GATB: variants seen among roughly 807,000 people sequenced by gnomAD.
GATB encodes the protein glutamyl-tRNA(Gln) amidotransferase subunit B, mitochondrial.
GATB carries 39 observed loss-of-function variants against 62.3 expected under a neutral mutation model. The observed-to-expected ratio is 0.63, with a 90% CI of 0.48 to 0.82. The LOEUF (loss-of-function observed/expected upper bound fraction) is 0.82, where lower values mean the gene tolerates loss of function less well. GATB is among the 40% of genes least tolerant of loss of function. The probability of loss-of-function intolerance (pLI) is 0.00; values close to 1 mark genes in which losing one functional copy is unlikely to be tolerated. For synonymous variants in GATB, 276 were observed against 258.9 expected, an observed-to-expected ratio of 1.07 and a Z score of -0.63; for missense variants, 670 against 684.0, an observed-to-expected ratio of 0.98 and a Z score of 0.23.
Position 151,719,356 on chromosome 4 carries a change from C to T in GATB, c.441+69G>A, listed in dbSNP as rs1197324892. The T allele has an allele frequency of 2.3e-5, 26 of 1,120,252 alleles. No homozygotes were observed. Among genetic ancestry groups the T allele is most frequent in the Middle Eastern group, 2.3e-4 (1 of 4,442 alleles). The allele number at this position is 1,120,252 out of a possible 1,614,324, so 69.4% of individuals were successfully genotyped here. The stretch of plus-strand genomic sequence containing the variant: ...GAGGCACAGCCCCTTTCCCTTGCTC[C>T]GACCCCCCACAGCAGGGCTGGCCCA... On this transcript the variant is annotated intron_variant, in intron 3 of 12. Transcript: ENST00000263985.
At chr4:151,700,372 G>A (rs1289977879) in intron 9 of GATB, among the ~76,000 whole-genome samples, 1 of 152,202 alleles carries the variant, frequency 6.6e-6, no homozygotes, top group African/African-American at 2.4e-5. Context: ...GACCAACTCT[G>A]CTTCTCCAAG....
chr4:151,750,129 C>A (rs1739688685), intron 2 of GATB, among the ~76,000 whole-genome samples: 1 of 152,216 alleles, frequency 6.6e-6, no homozygotes, highest in Non-Finnish European at 1.5e-5. Flanking sequence ...GATCCGCCCA[C>A]CTCGGTCTCC....
At position 151,687,331 on chromosome 4, in the gene GATB, A is replaced by AC. The variant is rs559293581; in HGVS notation, c.1331+1298dup. Among the ~76,000 whole-genome samples, 1,132 of 151,878 alleles carry AC rather than the reference A, an allele frequency of 7.5e-3. 7 individuals carry two copies. Among genetic ancestry groups the AC allele is most frequent in the South Asian group, 0.03 (142 of 4,782 alleles). ...GAAATGGAATACGGCATCTTCCCTC[A>AC]CCCCCGGCCTATAAAGTTTATTCCT... is the stretch of plus-strand genomic sequence containing the variant. On this transcript the variant is annotated intron_variant, in intron 10 of 12. Transcript: ENST00000263985.
intron 5 of GATB, among the ~76,000 whole-genome samples, chr4:151,715,048 C>G (rs1738887759): frequency 1.3e-5 from 2 of 152,214 alleles, no homozygotes; most frequent in Non-Finnish European, 2.9e-5. Flanking sequence ...TGTGGCATTA[C>G]AAATCCAGAA....
chr4:151,705,039 G>C, intron 7 of GATB, 146 bp downstream of exon 7: 1 of 601,362 alleles, frequency 1.7e-6, no homozygotes, highest in Non-Finnish European at 3.0e-6. Flanking sequence ...GAAGGGTACA[G>C]TACTTTTCTA....
At position 151,760,972 on chromosome 4, in the gene GATB, G is replaced by A; in HGVS notation, c.11C>T (p.Pro4Leu). 1.9e-6 allele frequency: 3 copies of A among 1,610,730 alleles called. No individual in the cohort carries two copies. The highest frequency in any genetic ancestry group is 2.5e-6 in the Non-Finnish European group (3 of 1,178,890). Residue 4 changes from proline (P) to leucine (L), a missense_variant, in exon 1 of 13, where the codon CCC (proline) becomes CTC (leucine). By Grantham distance (98) the Pro-to-Leu change is moderately conservative. Transcript: ENST00000263985. Reference protein sequence around the residue: MAAPMLRWGCRGRR... With the variant: MAALMLRWGCRGRR... Reference sequence around the variant, plus strand: ...TCCACGGCAGCCCCAGCGCAGCATGGGCGCCGCCATTGTAACTCCAGGGTC... The same window carrying A: ...TCCACGGCAGCCCCAGCGCAGCATGAGCGCCGCCATTGTAACTCCAGGGTC...
intron 6 of GATB, among the ~76,000 whole-genome samples, chr4:151,706,379 T>C (rs1738715704): frequency 6.6e-6 from 1 of 152,138 alleles, no homozygotes; most frequent in Non-Finnish European, 1.5e-5. Flanking sequence ...GCTGCTTTTT[T>C]AAGGTTACCA....
rs778290203 is a variant in GATB at position 151,708,062 on chromosome 4, T to C, written c.803A>G (p.His268Arg). 6.2e-7 allele frequency: 1 copy of C among 1,614,096 alleles called. No individual in the cohort carries two copies. Among genetic ancestry groups the C allele is most frequent in the Non-Finnish European group, 8.5e-7 (1 of 1,179,962 alleles). The change falls in exon 6 of 13, where the codon CAC becomes CGC. Residue 268 changes from histidine to arginine, a missense_variant. His to Arg is a conservative substitution (Grantham distance 29). Coordinates refer to ENST00000263985, the MANE Select transcript of GATB (RefSeq NM_004564.3). Reference sequence around the variant, plus strand: ...TCGAACGCCCAAAGGCTCCCCAGGGTGATGCACGGATATATTGGCATCCAC... The same window carrying C: ...TCGAACGCCCAAAGGCTCCCCAGGGCGATGCACGGATATATTGGCATCCAC... ...LRVDANISVHHPGEPLGVRTE... is the reference protein window; with the variant it reads ...LRVDANISVHRPGEPLGVRTE...
rs1223712020 is a variant in GATB at position 151,730,461 on chromosome 4, C to G, written c.328-10923G>C. On this transcript the variant is annotated intron_variant, in intron 2 of 12. Transcript: ENST00000263985. The surrounding 1 kb of genome is among the most constrained non-coding windows in gnomAD (Gnocchi z 4.1). ...AAAGCACCACCTCCTGGCAGAAGGC[C>G]AACCAGCACAAAAATAAAGCATTAA... 3.3e-5 allele frequency among the ~76,000 whole-genome samples: 5 copies of G among 152,234 alleles called. No homozygotes were observed. The highest frequency in any genetic ancestry group is 1.5e-5 in the Non-Finnish European group (1 of 68,042).
intron 12 of GATB, among the ~76,000 whole-genome samples, chr4:151,672,245 C>T (rs1737888075): frequency 6.6e-6 from 1 of 152,112 alleles, no homozygotes; most frequent in Non-Finnish European, 1.5e-5. Context: ...CACAAAATGA[C>T]CTGGTTTTCA....
At chr4:151,757,867 G>A (rs556262233) in intron 2 of GATB, among the ~76,000 whole-genome samples, 206 of 152,200 alleles carry the variant, frequency 1.4e-3, no homozygotes, top group Non-Finnish European at 2.7e-3. Context: ...CACCACCATG[G>A]ATACACATTT....
rs562883708 is a variant in GATB at position 151,717,164 on chromosome 4, G to A, written c.442-90C>T. Reference sequence around the variant, plus strand: ...TATCCCTTTTACAATGTCACACAACGACAGGCCTACTTAAAGCAAAAACAA... The same window carrying A: ...TATCCCTTTTACAATGTCACACAACAACAGGCCTACTTAAAGCAAAAACAA... On this transcript the variant is annotated intron_variant, in intron 3 of 12. Coordinates refer to ENST00000263985, the MANE Select transcript of GATB (RefSeq NM_004564.3). 17 of 1,238,548 alleles carry A rather than the reference G, an allele frequency of 1.4e-5. No homozygotes were observed. The African/African-American group carries it at 2.1e-4, about 15-fold the overall frequency. 76.7% of individuals were successfully genotyped at this position (1,238,548 alleles called of 1,614,324 possible).
rs144270747 is a variant in GATB at position 151,726,496 on chromosome 4, C to A, written c.328-6958G>T. Among the ~76,000 whole-genome samples the A allele has an allele frequency of 8.2e-4, 125 of 152,260 alleles. 1 individual carries two copies. In the East Asian group the frequency reaches 0.02, roughly 24 times the overall value. ...TATTAAGTATTTATATTAACAGAAC[C>A]ACATAAATATATATGTTCTTTATCC... On this transcript the variant is annotated intron_variant, in intron 2 of 12. Transcript: ENST00000263985.
At chr4:151,727,316 G>A (rs1044964584) in intron 2 of GATB, among the ~76,000 whole-genome samples, 3 of 152,208 alleles carry the variant, frequency 2.0e-5, no homozygotes, top group African/African-American at 7.2e-5. Flanking sequence ...GCCTACATCA[G>A]TCCTAGGTCC....
At chr4:151,701,240 C>A in intron 9 of GATB, 89 bp downstream of exon 9, 2 of 1,077,612 alleles carry the variant, frequency 1.9e-6, no homozygotes, top group South Asian at 4.5e-5. Flanking sequence ...CCACTCAGAG[C>A]CCATGGCAGC....
At chr4:151,695,930 A>ATTTTTTTTTTTTTT (rs57028979) in intron 9 of GATB, among the ~76,000 whole-genome samples, 4 of 122,844 alleles carry the variant, frequency 3.3e-5, no homozygotes, top group African/African-American at 6.6e-5. Context: ...GCTAATTTAA[A>ATTTTTTTTTTTTTT]TTTTTTTTTT....
At chr4:151,696,522 G>A (rs534226799) in intron 9 of GATB, among the ~76,000 whole-genome samples, 8 of 152,346 alleles carry the variant, frequency 5.3e-5, no homozygotes, top group South Asian at 2.1e-4. Context: ...AATGAAGAGC[G>A]TAGGCCTTGA....
chr4:151,737,415 G>A (rs541512472), intron 2 of GATB, among the ~76,000 whole-genome samples: 11 of 152,318 alleles, frequency 7.2e-5, no homozygotes, highest in African/African-American at 9.6e-5. Context: ...GCATTCAAGA[G>A]GTGACTTGGG....
At chr4:151,744,360 C>T (rs956032986) in intron 2 of GATB, among the ~76,000 whole-genome samples, 3 of 152,150 alleles carry the variant, frequency 2.0e-5, no homozygotes, top group African/African-American at 7.2e-5. Context: ...CCATGAATTG[C>T]TCTTTAGAAG....
Sources: allele counts gnomAD v4.1 joint callset (sites outside exome capture counted in the v4.1 genomes callset), GRCh38; gene constraint gnomAD v4.1.1; non-coding constraint Gnocchi (gnomAD v3.1); transcripts MANE v1.5; gene names NCBI Gene and HGNC (gene_info 2026-07-23, HGNC 2026-07-21).